RNF4: variants seen among roughly 807,000 people sequenced by gnomAD.
RNF4 encodes E3 ubiquitin-protein ligase RNF4.
In RNF4, 7 loss-of-function variants were observed where a neutral mutation model predicts 24.3. That is an observed-to-expected ratio of 0.29 (90% CI 0.16 to 0.54). The LOEUF (loss-of-function observed/expected upper bound fraction) is 0.54. Among genes scored for constraint, RNF4 ranks in the 20% least tolerant of loss-of-function variants. RNF4 has a pLI of 0.95. For missense variants in RNF4, 209 were observed against 248.5 expected (o/e 0.84, Z 1.07); for synonymous variants, 83 against 84.3 (o/e 0.98, Z 0.09).
chr4:2,484,567 C>A (rs1429790801), intron 1 of RNF4, among the ~76,000 whole-genome samples: 1 of 151,710 alleles, frequency 6.6e-6, no homozygotes, highest in African/African-American at 2.4e-5. Context: ...ATCTGCACAT[C>A]GTATACATAT....
At chr4:2,513,571 A>T in intron 7 of RNF4, 99 bp from the exon 8 acceptor site, 2 of 1,431,294 alleles carry the variant, frequency 1.4e-6, no homozygotes, top group Non-Finnish European at 9.6e-7. Context: ...GCTTTCCTTT[A>T]ATTAGTCATC....
In RNF4 at chr4:2,497,013, C is replaced by T. The variant is rs777845108; in HGVS notation, c.16C>T (p.Arg6Cys). The T allele has an allele frequency of 1.6e-5, 25 of 1,597,994 alleles. No homozygotes were observed. The highest frequency in any genetic ancestry group is 1.2e-4 in the South Asian group (11 of 88,124). The change falls in exon 3 of 8, where the codon CGT (arginine) becomes TGT (cysteine). Residue 6 changes from arginine to cysteine, a missense_variant. Physicochemically the swap from Arg to Cys is radical, Grantham distance 180. Transcript: ENST00000314289. ...TTTCCCCCTTGCTACTCAGAGAAAG[C>T]GTCGTGGTGGAGCAATAAATTCTAG... MSTRKRRGGAINSRQA... is the reference protein window; with the variant it reads MSTRKCRGGAINSRQA...
At chr4:2,497,946 G>C (rs564667156) in intron 3 of RNF4, among the ~76,000 whole-genome samples, 1 of 152,054 alleles carries the variant, frequency 6.6e-6, no homozygotes, top group Non-Finnish European at 1.5e-5. Context: ...GCAAACTCGC[G>C]TTTTAAACAG....
chr4:2,497,534 C>T (rs1735774629), intron 3 of RNF4, among the ~76,000 whole-genome samples: 1 of 152,192 alleles, frequency 6.6e-6, no homozygotes. Context: ...GATTGGATTT[C>T]CCCTTCTGCC....
chr4:2,482,506 T>C (rs1263633708), intron 1 of RNF4, among the ~76,000 whole-genome samples: 1 of 152,182 alleles, frequency 6.6e-6, no homozygotes, highest in Non-Finnish European at 1.5e-5. Context: ...TTTCCTTCAT[T>C]ATCTTACCCT....
chr4:2,483,854 G>C (rs1022354290), intron 1 of RNF4, among the ~76,000 whole-genome samples: 4 of 151,772 alleles, frequency 2.6e-5, no homozygotes, highest in African/African-American at 9.7e-5. Flanking sequence ...TTTATTTTGA[G>C]ACTGAGTTTC....
chr4:2,481,061 C>T (rs1285056443), intron 1 of RNF4: 1 of 152,222 alleles, frequency 6.6e-6, no homozygotes, highest in Non-Finnish European at 1.5e-5. Flanking sequence ...CCACATAGAT[C>T]AGTCACCTCA....
At chr4:2,509,890 C>T (rs142924316) in intron 4 of RNF4, among the ~76,000 whole-genome samples, 1 of 152,302 alleles carries the variant, frequency 6.6e-6, no homozygotes, top group East Asian at 1.9e-4. Flanking sequence ...GGGGTCATTT[C>T]TAGCCACAGA....
At chr4:2,497,702 T>G (rs916642339) in intron 3 of RNF4, among the ~76,000 whole-genome samples, 2 of 152,198 alleles carry the variant, frequency 1.3e-5, no homozygotes, top group Admixed American at 1.3e-4. Flanking sequence ...TGGTGCAGTC[T>G]CGGCTCACTG....
chr4:2,487,216 C>G (rs181230842), intron 1 of RNF4, among the ~76,000 whole-genome samples: 2 of 152,258 alleles, frequency 1.3e-5, no homozygotes, highest in East Asian at 3.9e-4. Flanking sequence ...AGGTGATCCT[C>G]CTGTCTCAGC....
intron 1 of RNF4, among the ~76,000 whole-genome samples, chr4:2,475,998 A>T (rs1005737759): frequency 1.3e-5 from 2 of 152,182 alleles, no homozygotes; most frequent in Non-Finnish European, 2.9e-5. Context: ...AAATAGTAAA[A>T]ACAAAATAGT....
chr4:2,511,733 A>G (rs1178701664), intron 4 of RNF4, among the ~76,000 whole-genome samples: 1 of 152,178 alleles, frequency 6.6e-6, no homozygotes, highest in African/African-American at 2.4e-5. Context: ...GCAGGGAGAG[A>G]CACAGCACAT....
chr4:2,506,814 C>G (rs1296423365), intron 4 of RNF4, among the ~76,000 whole-genome samples: 1 of 152,110 alleles, frequency 6.6e-6, no homozygotes, highest in Non-Finnish European at 1.5e-5. Context: ...AAGTGATCCT[C>G]CCACCTTGGT....
intron 4 of RNF4, among the ~76,000 whole-genome samples, chr4:2,502,128 C>G (rs1735930068): frequency 6.6e-6 from 1 of 152,338 alleles, no homozygotes; most frequent in Non-Finnish European, 1.5e-5. Context: ...TTTTTCCCCT[C>G]TTTCTTTTTC....
At chr4:2,485,024 G>C (rs1170017256) in intron 1 of RNF4, among the ~76,000 whole-genome samples, 1 of 152,180 alleles carries the variant, frequency 6.6e-6, no homozygotes, top group Non-Finnish European at 1.5e-5. Flanking sequence ...CCTCCACACA[G>C]TGCTCGTGTG....
intron 4 of RNF4, among the ~76,000 whole-genome samples, chr4:2,507,923 C>T (rs1736149392): frequency 6.6e-6 from 1 of 152,012 alleles, no homozygotes; most frequent in African/African-American, 2.4e-5. Context: ...GGCCCGAGCT[C>T]AGCTCACTGT....
rs116801286 is a variant in RNF4, at chr4:2,512,960, G to A, written c.375-123G>A. 3.1e-4 allele frequency: 300 copies of A among 953,572 alleles called. 1 individual carries two copies. In the African/African-American group the frequency reaches 4.5e-3, roughly 14 times the overall value. 59.1% of individuals were successfully genotyped at this position (953,572 alleles called of 1,614,324 possible). The stretch of plus-strand genomic sequence containing the variant: ...TCCTGAAAGTCTCTCGGATGCCCGC[G>A]CTAAGGCAGAGTCAGGAGGCCAGGG... On this transcript the variant is annotated intron_variant, in intron 6 of 7. Transcript: ENST00000314289. This position sits in a 1 kb window ranked among gnomAD's most constrained non-coding sequence, Gnocchi z 4.1.
chr4:2,485,613 T>G (rs1735382496), intron 1 of RNF4, among the ~76,000 whole-genome samples: 1 of 152,190 alleles, frequency 6.6e-6, no homozygotes, highest in Admixed American at 6.5e-5. Flanking sequence ...CCTTTCACCT[T>G]GGAAGCTTTA....
At position 2,513,912 on chromosome 4, in the gene RNF4, CTG is replaced by C; in HGVS notation, c.*95_*96del. ...CTCCATTTTCCTGAGATCAAAAAGA[CTG>C]TTTCGAAACCAACATCTGATATGTA... is the stretch of plus-strand genomic sequence containing the variant. On this transcript the variant is annotated 3_prime_UTR_variant, in exon 8 of 8. Coordinates refer to ENST00000314289, the MANE Select transcript of RNF4 (RefSeq NM_002938.5). 3 of 1,539,098 alleles carry C rather than the reference CTG, an allele frequency of 1.9e-6. No homozygotes were observed. The highest frequency in any genetic ancestry group is 2.7e-6 in the Non-Finnish European group (3 of 1,124,558).
Sources: allele counts gnomAD v4.1 joint callset (sites outside exome capture counted in the v4.1 genomes callset), GRCh38; gene constraint gnomAD v4.1.1; non-coding constraint Gnocchi (gnomAD v3.1); transcripts MANE v1.5; gene names NCBI Gene and HGNC (gene_info 2026-07-23, HGNC 2026-07-21).